L3MBTL4: variants seen among roughly 807,000 people sequenced by gnomAD.
The protein encoded by L3MBTL4 is lethal(3)malignant brain tumor-like protein 4.
L3MBTL4 carries 70 observed loss-of-function variants against 84.5 expected under a neutral mutation model. The ratio of observed to expected loss-of-function variants is 0.83; its 90% CI spans 0.68 to 1.01. L3MBTL4 has a LOEUF of 1.01. Among genes scored for constraint, L3MBTL4 ranks in the 50% least tolerant of loss-of-function variants. The pLI is 0.00. For synonymous variants in L3MBTL4, 274 were observed against 259.8 expected (o/e 1.05, Z -0.52); for missense variants, 715 against 754.8 (o/e 0.95, Z 0.62).
chr18:6,227,752 G>C (rs1050413554), intron 10 of L3MBTL4, among the ~76,000 whole-genome samples: 1 of 152,110 alleles, frequency 6.6e-6, no homozygotes. Flanking sequence ...ACTCACTCCA[G>C]CCTAGAACTC....
chr18:6,298,041 G>A (rs1203375022), intron 4 of L3MBTL4, among the ~76,000 whole-genome samples: 1 of 152,102 alleles, frequency 6.6e-6, no homozygotes, highest in Non-Finnish European at 1.5e-5. Flanking sequence ...ATATCATTAG[G>A]AGAAATGTCA....
chr18:6,118,993 C>CTTTTTTTTTGTTTTT (rs2059442571), intron 14 of L3MBTL4, among the ~76,000 whole-genome samples: 1 of 83,710 alleles, frequency 1.2e-5, no homozygotes, highest in Non-Finnish European at 2.3e-5. Flanking sequence ...TTTTTGGTTT[C>CTTTTTTTTTGTTTTT]TTTTTTTTTT....
intron 12 of L3MBTL4, among the ~76,000 whole-genome samples, chr18:6,174,270 C>G (rs867394030): frequency 6.6e-6 from 1 of 151,846 alleles, no homozygotes; most frequent in Middle Eastern, 3.4e-3. Flanking sequence ...AAGTGGTCAA[C>G]AGAAATAGAA....
At chr18:6,252,246 G>A (rs979535432) in intron 5 of L3MBTL4, among the ~76,000 whole-genome samples, 1 of 152,204 alleles carries the variant, frequency 6.6e-6, no homozygotes, top group African/African-American at 2.4e-5. Flanking sequence ...CTGGGAGGCA[G>A]AGGTTGCAGT....
chr18:6,013,614 T>A (rs1163796697), intron 16 of L3MBTL4, among the ~76,000 whole-genome samples: 3 of 152,212 alleles, frequency 2.0e-5, no homozygotes, highest in African/African-American at 2.4e-5. Flanking sequence ...CGGCCCTCTG[T>A]GACTGGTCCA....
Position 5,961,522 on chromosome 18 carries a change from T to A in L3MBTL4, c.1615-1366A>T, listed in dbSNP as rs188293813. Among the ~76,000 whole-genome samples, 3 of 152,336 alleles carry A rather than the reference T, an allele frequency of 2.0e-5. No individual in the cohort carries two copies. The East Asian group carries it at 5.8e-4, about 29-fold the overall frequency. ...TGTCTGCTTTACTCAACCCTGGTGC[T>A]ACAAATACATTCATGAGTCATTTTA... On this transcript the variant is annotated intron_variant, in intron 17 of 18. Transcript: ENST00000317931.
intron 1 of L3MBTL4, among the ~76,000 whole-genome samples, chr18:6,324,992 G>T (rs1302799786): frequency 6.6e-6 from 1 of 152,050 alleles, no homozygotes; most frequent in Non-Finnish European, 1.5e-5. Flanking sequence ...CAAAAATTAA[G>T]AAGTCTGTCA....
chr18:5,966,451 T>C (rs2052358664), intron 17 of L3MBTL4, among the ~76,000 whole-genome samples: 1 of 152,174 alleles, frequency 6.6e-6, no homozygotes, highest in Admixed American at 6.5e-5. Flanking sequence ...GACACCCGGC[T>C]TCCAGGGACT....
At chr18:6,153,501 TTGTTAG>T (rs1361494312) in intron 13 of L3MBTL4, among the ~76,000 whole-genome samples, 3 of 152,220 alleles carry the variant, frequency 2.0e-5, no homozygotes, top group African/African-American at 7.2e-5. Flanking sequence ...GGATAGCTCA[TTGTTAG>T]TGTATAAAGA....
chr18:6,145,150 AGAT>A (rs1436568175), intron 13 of L3MBTL4, among the ~76,000 whole-genome samples: 2 of 152,212 alleles, frequency 1.3e-5, no homozygotes, highest in Non-Finnish European at 2.9e-5. Flanking sequence ...TGTCATGTAA[AGAT>A]GATGTAAAAG....
intron 4 of L3MBTL4, among the ~76,000 whole-genome samples, chr18:6,266,043 A>G (rs2048618821): frequency 6.6e-6 from 1 of 152,226 alleles, no homozygotes; most frequent in African/African-American, 2.4e-5. Flanking sequence ...CCACAAGCAT[A>G]TTTCAAAAAT....
intron 16 of L3MBTL4, among the ~76,000 whole-genome samples, chr18:6,071,178 GC>G (rs1453635283): frequency 1.3e-5 from 2 of 151,216 alleles, no homozygotes; most frequent in African/African-American, 4.9e-5. Context: ...ATCACTTGAG[GC>G]TAGGAGTTTG....
chr18:6,333,603 T>C (rs1599676184), intron 1 of L3MBTL4, among the ~76,000 whole-genome samples: 1 of 151,050 alleles, frequency 6.6e-6, no homozygotes, highest in South Asian at 2.1e-4. Flanking sequence ...TAATTGTTTA[T>C]GAATAAGATT....
At chr18:6,395,318 A>G (rs1186822813) in intron 1 of L3MBTL4, 4 of 152,200 alleles carry the variant, frequency 2.6e-5, no homozygotes, top group Non-Finnish European at 4.4e-5. Context: ...ATCACACAGC[A>G]GCAGGTCAGC....
rs59102712 is a variant in L3MBTL4 at position 6,151,674 on chromosome 18, T to A, written c.1097-13378A>T. Among the ~76,000 whole-genome samples, 714 of 152,260 alleles carry A rather than the reference T, an allele frequency of 4.7e-3. 3 individuals are homozygous for A. Among genetic ancestry groups the A allele is most frequent in the African/African-American group, 0.017 (688 of 41,548 alleles). ...CCTCCCAAAGTGCTGGGATTACAGA[T>A]GTGAGCCACCGTGCCCAGACTAATT... On this transcript the variant is annotated intron_variant, in intron 13 of 18. Transcript: ENST00000317931.
At chr18:6,260,223 G>A (rs906528426) in intron 5 of L3MBTL4, 4 of 152,090 alleles carry the variant, frequency 2.6e-5, no homozygotes, top group African/African-American at 4.8e-5. Context: ...CAGGTAATAC[G>A]ATGCTTTGTT....
At chr18:5,990,131 G>A (rs558391222) in intron 16 of L3MBTL4, among the ~76,000 whole-genome samples, 76 of 152,320 alleles carry the variant, frequency 5.0e-4, no homozygotes, top group African/African-American at 1.8e-3. Context: ...GGGGAACCAG[G>A]GAAGGCCTTT....
chr18:6,046,015 C>T lies in L3MBTL4; in HGVS notation c.1444+34866G>A, dbSNP rs148420747. Among the ~76,000 whole-genome samples the T allele has an allele frequency of 1.4e-3, 215 of 152,124 alleles. 2 individuals carry two copies. The highest frequency in any genetic ancestry group is 4.5e-3 in the African/African-American group (188 of 41,472). ...CCCATCTGACACATAATGACACCCA[C>T]AGAATCAAAGTAAAGAGGTGGAGAA... On this transcript the variant is annotated intron_variant, in intron 16 of 18. Transcript: ENST00000317931.
intron 7 of L3MBTL4, among the ~76,000 whole-genome samples, chr18:6,242,908 T>A (rs932214221): frequency 1.3e-5 from 2 of 152,250 alleles, no homozygotes; most frequent in African/African-American, 2.4e-5. Context: ...TGAAACAAAT[T>A]ACTTACAGTG....
Sources: gnomAD v4.1 joint callset for allele counts (sites outside exome capture counted in the v4.1 genomes callset) on GRCh38, gnomAD v4.1.1 for gene constraint, MANE v1.5 for transcripts, NCBI Gene and HGNC (gene_info 2026-07-23, HGNC 2026-07-21) for gene names.